The following DLGAP4 variants were observed in gnomAD, a reference collection of about 807,000 sequenced individuals.
DLGAP4 encodes disks large-associated protein 4.
DLGAP4 carries 18 observed loss-of-function variants against 86.9 expected under a neutral mutation model. The observed-to-expected ratio is 0.21, with a 90% CI of 0.14 to 0.31. The LOEUF (loss-of-function observed/expected upper bound fraction) is 0.31. Among genes scored for constraint, DLGAP4 ranks in the 10% least tolerant of loss-of-function variants. The pLI, the probability that DLGAP4 is intolerant of heterozygous loss-of-function variation, is 1.00. For synonymous variants in DLGAP4, 548 were observed against 574.3 expected, an observed-to-expected ratio of 0.95 and a Z score of 0.65; for missense variants, 1,085 against 1,362.6, an observed-to-expected ratio of 0.80 and a Z score of 3.21.
chr20:36,325,601 T>C (rs2065207914), intron 1 of DLGAP4, among the ~76,000 whole-genome samples: 3 of 152,234 alleles, frequency 2.0e-5, no homozygotes, highest in Admixed American at 6.5e-5. Flanking sequence ...CTATCACTTT[T>C]TGCTTTATGT....
chr20:36,358,124 C>T (rs78750573), intron 1 of DLGAP4, among the ~76,000 whole-genome samples: 1 of 152,188 alleles, frequency 6.6e-6, no homozygotes, highest in Non-Finnish European at 1.5e-5. Context: ...CCCATACTCA[C>T]TGCTAATTCT....
chr20:36,424,645 C>T (rs1054049587), intron 2 of DLGAP4, among the ~76,000 whole-genome samples: 3 of 152,130 alleles, frequency 2.0e-5, no homozygotes, highest in African/African-American at 7.2e-5. Flanking sequence ...TCTCCAGAGC[C>T]GTTCTCATTC....
rs1600556657 is a variant in DLGAP4 at position 36,456,743 on chromosome 20, G to A, written c.1648+9806G>A. ...TTAGCAGATCCACTCAGCCTTCTGGGGGAAATAGTGACCAGGACTGAAGGA... is the reference window on the plus strand; with the variant it reads ...TTAGCAGATCCACTCAGCCTTCTGGAGGAAATAGTGACCAGGACTGAAGGA... On this transcript the variant is annotated intron_variant, in intron 7 of 12. Coordinates refer to ENST00000339266, the MANE Select transcript of DLGAP4 (RefSeq NM_001365621.2). 3.3e-5 allele frequency among the ~76,000 whole-genome samples: 5 copies of A among 152,320 alleles called. No individual in the cohort carries two copies. In the South Asian group the frequency reaches 8.3e-4, roughly 25 times the overall value.
chr20:36,454,119 A>AAATT (rs1376815153), intron 7 of DLGAP4, among the ~76,000 whole-genome samples: 3 of 151,192 alleles, frequency 2.0e-5, no homozygotes, highest in Non-Finnish European at 2.9e-5. Flanking sequence ...AAAAATACAA[A>AAATT]AATTAGCTGG....
intron 1 of DLGAP4, among the ~76,000 whole-genome samples, chr20:36,312,050 C>A (rs2065057882): frequency 6.6e-6 from 1 of 152,174 alleles, no homozygotes; most frequent in Non-Finnish European, 1.5e-5. Flanking sequence ...AGTGGCTGCT[C>A]TGCTGTCAGT....
chr20:36,453,934 CAA>C (rs1194294335), intron 7 of DLGAP4, among the ~76,000 whole-genome samples: 614 of 42,608 alleles, frequency 0.014, 3 homozygotes, highest in African/African-American at 0.051. Context: ...ACTCTGTCTC[CAA>C]AAAAAAAAAA....
At chr20:36,375,105 A>G (rs1441281450) in intron 2 of DLGAP4, among the ~76,000 whole-genome samples, 1 of 152,236 alleles carries the variant, frequency 6.6e-6, no homozygotes, top group Non-Finnish European at 1.5e-5. Flanking sequence ...CAAGCCGCCT[A>G]TGTGACAACG....
intron 10 of DLGAP4, among the ~76,000 whole-genome samples, chr20:36,504,442 C>T (rs1423714424): frequency 1.3e-5 from 2 of 152,140 alleles, no homozygotes; most frequent in African/African-American, 4.8e-5. Context: ...GTTGTTTCCA[C>T]CTTTTGGCTA....
chr20:36,406,555 G>T (rs2032328849), intron 2 of DLGAP4, among the ~76,000 whole-genome samples: 1 of 151,446 alleles, frequency 6.6e-6, no homozygotes, highest in African/African-American at 2.4e-5. Flanking sequence ...CTGGGAAGGG[G>T]TGACGGAGCA....
chr20:36,351,664 T>G (rs1233395256), intron 1 of DLGAP4, among the ~76,000 whole-genome samples: 1 of 152,082 alleles, frequency 6.6e-6, no homozygotes, highest in Non-Finnish European at 1.5e-5. Flanking sequence ...CCAGCCCCCC[T>G]CATCTGTGGA....
At chr20:36,449,375 T>C (rs766322671) in intron 7 of DLGAP4, among the ~76,000 whole-genome samples, 5 of 152,210 alleles carry the variant, frequency 3.3e-5, no homozygotes, top group Non-Finnish European at 7.3e-5. Context: ...AACAAGGGCC[T>C]TTGCCTTCTG....
intron 7 of DLGAP4, among the ~76,000 whole-genome samples, chr20:36,477,106 CTTTTTTT>C (rs113443321): frequency 1.4e-5 from 2 of 143,432 alleles, no homozygotes; most frequent in African/African-American, 2.5e-5. Context: ...TCTCTTTTTT[CTTTTTTT>C]TTTTTAAGAC....
chr20:36,325,558 T>C (rs180825655), intron 1 of DLGAP4, among the ~76,000 whole-genome samples: 181 of 152,322 alleles, frequency 1.2e-3, no homozygotes, highest in African/African-American at 4.1e-3. Context: ...TCTCTGACTA[T>C]AATTGGAGAT....
chr20:36,447,820 G>A (rs1178269518), intron 7 of DLGAP4, among the ~76,000 whole-genome samples: 1 of 142,256 alleles, frequency 7.0e-6, no homozygotes, highest in African/African-American at 2.6e-5. Context: ...ATAGAAAATT[G>A]CATGTTCTCA....
chr20:36,430,056 T>G (rs1237417973), intron 2 of DLGAP4, among the ~76,000 whole-genome samples: 3 of 152,178 alleles, frequency 2.0e-5, no homozygotes, highest in Non-Finnish European at 4.4e-5. Flanking sequence ...CCGGTGGGCT[T>G]AGAAACCTCG....
intron 10 of DLGAP4, among the ~76,000 whole-genome samples, chr20:36,524,021 A>G (rs1042171807): frequency 2.0e-5 from 3 of 152,112 alleles, no homozygotes; most frequent in Admixed American, 6.6e-5. Flanking sequence ...CTCAGTTTTC[A>G]TATTTGTTGC....
chr20:36,433,800 C>T (rs1023620219), intron 3 of DLGAP4, among the ~76,000 whole-genome samples: 40 of 146,614 alleles, frequency 2.7e-4, no homozygotes, highest in African/African-American at 9.7e-4. Flanking sequence ...TACAGGCACC[C>T]GCCACCATGC....
At chr20:36,476,291 C>A (rs1358301301) in intron 7 of DLGAP4, among the ~76,000 whole-genome samples, 1 of 150,996 alleles carries the variant, frequency 6.6e-6, no homozygotes, top group African/African-American at 2.4e-5. Flanking sequence ...CTCCCCATTA[C>A]CCCCTTGCCT....
chr20:36,400,906 G>A (rs2032139497), intron 2 of DLGAP4, among the ~76,000 whole-genome samples: 1 of 152,092 alleles, frequency 6.6e-6, no homozygotes, highest in Admixed American at 6.5e-5. Flanking sequence ...ACCGGGCGCT[G>A]GGGGGCCAGC....
Sources: gnomAD v4.1 joint callset for allele counts (sites outside exome capture counted in the v4.1 genomes callset) on GRCh38, gnomAD v4.1.1 for gene constraint, MANE v1.5 for transcripts, NCBI Gene and HGNC (gene_info 2026-07-23, HGNC 2026-07-21) for gene names.